Variants in GABRB1 observed in about 807,000 individuals in gnomAD.
GABRB1 encodes gamma-aminobutyric acid type A receptor subunit beta1, also known as gamma-aminobutyric acid receptor subunit beta-1.
A neutral mutation model predicts 51.6 loss-of-function variants in GABRB1; 17 were observed. That is an observed-to-expected ratio of 0.33 (90% confidence interval 0.23 to 0.49). The LOEUF (loss-of-function observed/expected upper bound fraction) is 0.49. Among genes scored for constraint, GABRB1 ranks in the 20% least tolerant of loss-of-function variants. The probability of loss-of-function intolerance (pLI) is 0.99; values close to 1 mark genes in which losing one functional copy is unlikely to be tolerated. For synonymous variants in GABRB1, 247 were observed against 218.9 expected (o/e 1.13, Z -1.14); for missense variants, 410 against 600.6 (o/e 0.68, Z 3.32).
chr4:47,260,779 A>G (rs1330596491), intron 4 of GABRB1, among the ~76,000 whole-genome samples: 1 of 152,144 alleles, frequency 6.6e-6, no homozygotes, highest in African/African-American at 2.4e-5. Context: ...TCCTTGATGA[A>G]CATTGATGCA....
chr4:47,220,511 C>G (rs1165237425), intron 4 of GABRB1, among the ~76,000 whole-genome samples: 6 of 152,024 alleles, frequency 3.9e-5, no homozygotes, highest in Non-Finnish European at 7.4e-5. Flanking sequence ...GGCTTAGCCT[C>G]TCTTGAATTT....
At chr4:47,246,034 A>G (rs567042903) in intron 4 of GABRB1, among the ~76,000 whole-genome samples, 73 of 149,968 alleles carry the variant, frequency 4.9e-4, no homozygotes, top group Admixed American at 1.8e-3. Context: ...TATACACTGC[A>G]CCATATTTGT....
chr4:47,425,593 T>C, intron 8 of GABRB1, 81 bp from the exon 9 acceptor site: 2 of 1,052,830 alleles, frequency 1.9e-6, no homozygotes, highest in East Asian at 2.4e-5. Flanking sequence ...ATGAGCCTTA[T>C]GGGGTATCAT....
chr4:47,111,647 T>G (rs892155572), intron 3 of GABRB1, among the ~76,000 whole-genome samples: 1 of 152,022 alleles, frequency 6.6e-6, no homozygotes, highest in African/African-American at 2.4e-5. Flanking sequence ...GCAGATCACT[T>G]GAGCTCAGAA....
At chr4:47,246,215 C>T (rs531057486) in intron 4 of GABRB1, among the ~76,000 whole-genome samples, 1 of 145,108 alleles carries the variant, frequency 6.9e-6, no homozygotes, top group Non-Finnish European at 1.5e-5. Flanking sequence ...ACTCTCCAAT[C>T]TCATCCAGGT....
intron 3 of GABRB1, among the ~76,000 whole-genome samples, chr4:47,115,055 T>C (rs1223534141): frequency 6.6e-6 from 1 of 152,342 alleles, no homozygotes; most frequent in East Asian, 1.9e-4. Context: ...ACTGTTTTTC[T>C]ACTATGTAAC....
At chr4:47,324,105 T>C (rs888078993) in intron 5 of GABRB1, among the ~76,000 whole-genome samples, 3 of 152,136 alleles carry the variant, frequency 2.0e-5, no homozygotes, top group Admixed American at 6.5e-5. Context: ...TCATTTACAG[T>C]AGATGTTGTC....
chr4:47,412,370 A>G (rs1728786035), intron 8 of GABRB1, among the ~76,000 whole-genome samples: 1 of 152,164 alleles, frequency 6.6e-6, no homozygotes, highest in Non-Finnish European at 1.5e-5. Flanking sequence ...GTGTTACACT[A>G]TGTTTTATAA....
chr4:47,283,339 T>G (rs1723363968), intron 4 of GABRB1, among the ~76,000 whole-genome samples: 1 of 144,686 alleles, frequency 6.9e-6, no homozygotes, highest in African/African-American at 2.6e-5. Flanking sequence ...TAGGCAATGT[T>G]CCATACCTGG....
intron 4 of GABRB1, among the ~76,000 whole-genome samples, chr4:47,215,621 A>G (rs1720526053): frequency 6.6e-6 from 1 of 152,104 alleles, no homozygotes; most frequent in Admixed American, 6.6e-5. Flanking sequence ...TCTGTTTTTT[A>G]TGAATGAGGA....
At chr4:47,002,604 C>T (rs1724262700) in intron 1 of GABRB1, among the ~76,000 whole-genome samples, 1 of 151,832 alleles carries the variant, frequency 6.6e-6, no homozygotes, top group South Asian at 2.1e-4. Flanking sequence ...TTTAAGTCCC[C>T]AATACAGAAC....
intron 4 of GABRB1, among the ~76,000 whole-genome samples, chr4:47,164,580 T>C (rs113831151): frequency 3.3e-5 from 5 of 152,218 alleles, no homozygotes; most frequent in African/African-American, 9.6e-5. Flanking sequence ...ATCAATGAGA[T>C]GTTCTGAATG....
intron 5 of GABRB1, among the ~76,000 whole-genome samples, chr4:47,336,643 A>G (rs1056901343): frequency 3.7e-4 from 57 of 152,136 alleles, no homozygotes; most frequent in African/African-American, 1.4e-3. Context: ...TAAAAAAAAA[A>G]TGTTCTAGAA....
At chr4:47,216,532 C>T (rs1473055327) in intron 4 of GABRB1, among the ~76,000 whole-genome samples, 1 of 151,786 alleles carries the variant, frequency 6.6e-6, no homozygotes, top group Admixed American at 6.6e-5. Context: ...TATTTTAATT[C>T]ATATAAATAT....
intron 7 of GABRB1, among the ~76,000 whole-genome samples, 192 bp downstream of exon 7, chr4:47,403,903 CA>C: frequency 6.6e-6 from 1 of 152,274 alleles, no homozygotes; most frequent in African/African-American, 2.4e-5. Context: ...GTCTTTTTAG[CA>C]TTTTACCAAA....
chr4:47,299,702 A>T (rs1724169811), intron 4 of GABRB1, among the ~76,000 whole-genome samples: 1 of 152,242 alleles, frequency 6.6e-6, no homozygotes, highest in East Asian at 1.9e-4. Context: ...GGAATCTAGA[A>T]CTAGAAATAC....
Position 47,088,846 on chromosome 4 carries a change from G to A in GABRB1, c.240+56362G>A, listed in dbSNP as rs116717297. On this transcript the variant is annotated intron_variant, in intron 3 of 8. Transcript: ENST00000295454. ...TTCTAGCTATAGTCAACCTTTACAA[G>A]GCGCACCTTTGCTTGGAAAAACAAT... 4.1e-3 allele frequency among the ~76,000 whole-genome samples: 618 copies of A among 152,222 alleles called. 8 individuals are homozygous for A. The highest frequency in any genetic ancestry group is 0.014 in the African/African-American group (591 of 41,526).
At chr4:47,063,844 A>G (rs1290362591) in intron 3 of GABRB1, among the ~76,000 whole-genome samples, 1 of 151,980 alleles carries the variant, frequency 6.6e-6, no homozygotes, top group African/African-American at 2.4e-5. Context: ...ATGAGAACAC[A>G]TGGACATGGC....
chr4:47,016,379 G>A (rs545973185), intron 1 of GABRB1, among the ~76,000 whole-genome samples: 48 of 151,932 alleles, frequency 3.2e-4, no homozygotes, highest in Non-Finnish European at 6.2e-4. Context: ...AGATTTTTCC[G>A]TCTCTTTTAA....
Sources: allele counts gnomAD v4.1 joint callset (sites outside exome capture counted in the v4.1 genomes callset), GRCh38; gene constraint gnomAD v4.1.1; transcripts MANE v1.5; gene names NCBI Gene and HGNC (gene_info 2026-07-23, HGNC 2026-07-21).